HS3ST4: variants seen among roughly 807,000 people sequenced by gnomAD.
HS3ST4 encodes heparan sulfate glucosamine 3-O-sulfotransferase 4.
In HS3ST4, 17 loss-of-function variants were observed where a neutral mutation model predicts 29.2. The observed-to-expected ratio is 0.58, with a 90% CI of 0.40 to 0.87. The LOEUF is 0.87. Among genes scored for constraint, HS3ST4 ranks in the 40% least tolerant of loss-of-function variants. HS3ST4 has a pLI of 0.00. For missense variants in HS3ST4, 627 were observed against 634.5 expected (o/e 0.99, Z 0.13); for synonymous variants, 314 against 285.7 (o/e 1.10, Z -1.00).
intron 1 of HS3ST4, among the ~76,000 whole-genome samples, chr16:26,087,197 C>T (rs1898800634): frequency 6.6e-6 from 1 of 152,178 alleles, no homozygotes; most frequent in Admixed American, 6.5e-5. Flanking sequence ...TGTAATTTGA[C>T]CATTAAAGTA....
At chr16:25,912,915 T>C (rs557379609) in intron 1 of HS3ST4, among the ~76,000 whole-genome samples, 1 of 152,284 alleles carries the variant, frequency 6.6e-6, no homozygotes, top group East Asian at 1.9e-4. Context: ...GATAGAAAGA[T>C]GAATAAAATG....
intron 1 of HS3ST4, among the ~76,000 whole-genome samples, chr16:25,982,120 C>T (rs1969012390): frequency 6.6e-6 from 1 of 152,282 alleles, no homozygotes; most frequent in East Asian, 1.9e-4. Context: ...CAGGTTCCAC[C>T]TTTAGGAAAG....
At chr16:25,984,506 C>G (rs1039039029) in intron 1 of HS3ST4, among the ~76,000 whole-genome samples, 1 of 152,196 alleles carries the variant, frequency 6.6e-6, no homozygotes, top group East Asian at 1.9e-4. Flanking sequence ...CTGGCAGGTA[C>G]CAGCCTATGG....
At chr16:25,703,664 C>G (rs1196634618) in intron 1 of HS3ST4, among the ~76,000 whole-genome samples, 1 of 151,766 alleles carries the variant, frequency 6.6e-6, no homozygotes, top group East Asian at 1.9e-4. Context: ...GGACAGGCTG[C>G]TGCAGGAGTC....
At chr16:26,074,380 C>T (rs908504052) in intron 1 of HS3ST4, among the ~76,000 whole-genome samples, 17 of 152,148 alleles carry the variant, frequency 1.1e-4, no homozygotes, top group African/African-American at 3.9e-4. Flanking sequence ...TGGCATGTTC[C>T]GGATGTTGAG....
chr16:25,854,505 C>A (rs979698709), intron 1 of HS3ST4, among the ~76,000 whole-genome samples: 1 of 152,094 alleles, frequency 6.6e-6, no homozygotes, highest in Non-Finnish European at 1.5e-5. Flanking sequence ...GTCTTTGTGA[C>A]CTGTATCCTG....
chr16:26,082,862 C>A (rs1898740659), intron 1 of HS3ST4, among the ~76,000 whole-genome samples: 2 of 152,204 alleles, frequency 1.3e-5, no homozygotes, highest in South Asian at 4.1e-4. Context: ...GTTATAGAAA[C>A]AAGAAATAAA....
rs191271348 is a variant in HS3ST4, at chr16:26,106,255, G to A, written c.735-29357G>A. Among the ~76,000 whole-genome samples, 13 of 152,102 alleles carry A rather than the reference G, an allele frequency of 8.5e-5. No individual in the cohort carries two copies. The East Asian group carries it at 2.5e-3, about 29-fold the overall frequency. ...TGGTGTCTGTTGAAAATGTGTGTGG[G>A]GTAAACTCCCCATTGGCCTCACAAG... is the stretch of plus-strand genomic sequence containing the variant. On this transcript the variant is annotated intron_variant, in intron 1 of 1. Coordinates refer to ENST00000331351, the MANE Select transcript of HS3ST4 (RefSeq NM_006040.3).
intron 1 of HS3ST4, among the ~76,000 whole-genome samples, chr16:26,006,068 G>A (rs1969255125): frequency 6.6e-6 from 1 of 152,030 alleles, no homozygotes; most frequent in Non-Finnish European, 1.5e-5. Flanking sequence ...GGAGGCTGAG[G>A]TATGTGAATC....
chr16:25,785,079 C>T (rs1046217052), intron 1 of HS3ST4, among the ~76,000 whole-genome samples: 1 of 152,216 alleles, frequency 6.6e-6, no homozygotes, highest in Non-Finnish European at 1.5e-5. Context: ...GCCTCATTGA[C>T]AGCATATCTG....
intron 1 of HS3ST4, among the ~76,000 whole-genome samples, chr16:25,880,328 G>A (rs543082334): frequency 1.4e-4 from 22 of 152,238 alleles, no homozygotes; most frequent in African/African-American, 4.8e-4. Context: ...CTAGCACAGT[G>A]CCTGACACGT....
At chr16:25,895,148 TGTGTGTGTGTGTGCTCACAAGTGTGTGC>T (rs1968047198) in intron 1 of HS3ST4, among the ~76,000 whole-genome samples, 1 of 151,746 alleles carries the variant, frequency 6.6e-6, no homozygotes, top group Admixed American at 6.6e-5. Flanking sequence ...AGGATGTGTG[TGTGTGTGTGTGTGCTCACAAGTGTGTGC>T]GTGTGTGTGG....
chr16:25,997,862 G>A (rs1352941637), intron 1 of HS3ST4, among the ~76,000 whole-genome samples: 1 of 152,124 alleles, frequency 6.6e-6, no homozygotes, highest in Non-Finnish European at 1.5e-5. Context: ...AAAGAATAGG[G>A]ATAGGCAAAA....
At chr16:25,997,249 A>G (rs1327719539) in intron 1 of HS3ST4, among the ~76,000 whole-genome samples, 1 of 152,180 alleles carries the variant, frequency 6.6e-6, no homozygotes, top group East Asian at 1.9e-4. Flanking sequence ...ATGCAGGTCA[A>G]CCTTTGCTTT....
intron 1 of HS3ST4, among the ~76,000 whole-genome samples, chr16:26,105,361 G>T (rs1006852560): frequency 6.6e-6 from 1 of 152,124 alleles, no homozygotes; most frequent in Admixed American, 6.6e-5. Context: ...GGAGGGAGGG[G>T]AGTAAGGATT....
chr16:25,893,122 A>G (rs1464979688), intron 1 of HS3ST4, among the ~76,000 whole-genome samples: 1 of 152,132 alleles, frequency 6.6e-6, no homozygotes, highest in Non-Finnish European at 1.5e-5. Flanking sequence ...AGGCAGAAGG[A>G]AGAGTGCCTG....
chr16:26,121,362 G>T (rs534845916), intron 1 of HS3ST4, among the ~76,000 whole-genome samples: 1 of 152,296 alleles, frequency 6.6e-6, no homozygotes, highest in East Asian at 1.9e-4. Flanking sequence ...GTGGAACAAA[G>T]TAAAGGGTGT....
intron 1 of HS3ST4, among the ~76,000 whole-genome samples, chr16:25,809,361 G>C (rs566078525): frequency 7.0e-4 from 106 of 152,132 alleles, no homozygotes; most frequent in African/African-American, 2.5e-3. Flanking sequence ...ATTGACTTTT[G>C]AATCTGCTTT....
At chr16:25,930,344 A>G (rs973078582) in intron 1 of HS3ST4, among the ~76,000 whole-genome samples, 2 of 152,192 alleles carry the variant, frequency 1.3e-5, no homozygotes, top group African/African-American at 4.8e-5. Context: ...TCTAAACTCC[A>G]GCCACTCTTA....
Sources: allele counts gnomAD v4.1 joint callset (sites outside exome capture counted in the v4.1 genomes callset), GRCh38; gene constraint gnomAD v4.1.1; transcripts MANE v1.5; gene names NCBI Gene and HGNC (gene_info 2026-07-23, HGNC 2026-07-21).